Variants in COL7A1 observed in about 807,000 individuals in gnomAD.
COL7A1 encodes collagen alpha-1(VII) chain.
Under a neutral mutation model 456.2 loss-of-function variants are expected in COL7A1, and 296 were observed. The observed-to-expected ratio is 0.65, with a 90% CI of 0.59 to 0.71. The LOEUF is 0.71. COL7A1 is among the 30% of genes least tolerant of loss of function. COL7A1 has a pLI of 0.00. For missense variants in COL7A1, 3,441 were observed against 4,017.2 expected (o/e 0.86, Z 3.88); for synonymous variants, 1,464 against 1,525.9 (o/e 0.96, Z 0.95).
At position 48,593,408 on chromosome 3, in the gene COL7A1, C is replaced by T. The variant is rs973589872; in HGVS notation, c.468G>A (p.Val156=). The T allele has an allele frequency of 1.2e-6, 2 of 1,614,096 alleles. No individual in the cohort carries two copies. The highest frequency in any genetic ancestry group is 1.7e-6 in the Non-Finnish European group (2 of 1,180,032). Reference sequence around the variant, plus strand: ...CCTTCAGCCTTTGGGCAGCTGTGTCCACCAGGTCCTGGGACTTCCCGTCTG... The same window carrying T: ...CCTTCAGCCTTTGGGCAGCTGTGTCTACCAGGTCCTGGGACTTCCCGTCTG... The part of the protein sequence containing the change: ...LITDGKSQDL[V]DTAAQRLKGQ... The change falls in exon 5 of 119, where the codon GTG becomes GTA. Residue 156 remains valine, a synonymous_variant. Coordinates refer to ENST00000681320, the MANE Select transcript of COL7A1 (RefSeq NM_000094.4). This position sits in a 1 kb window ranked among gnomAD's most constrained non-coding sequence, Gnocchi z 4.4.
Position 48,573,147 on chromosome 3 carries a change from C to CT in COL7A1, c.6714+26dup, listed in dbSNP as rs756245079. On this transcript the variant is annotated intron_variant, in intron 85 of 118. Transcript: ENST00000681320. This position sits in a 1 kb window ranked among gnomAD's most constrained non-coding sequence, Gnocchi z 5.5. ...CCCAAGGAGTGAAAACACGGTGTCC[C>CT]TACAGGGGCCACAGGGACTCACTCA... 5 of 1,613,878 alleles carry CT rather than the reference C, an allele frequency of 3.1e-6. No individual in the cohort carries two copies. Among genetic ancestry groups the CT allele is most frequent in the African/African-American group, 1.3e-5 (1 of 74,910 alleles).
rs2043677456 is a variant in COL7A1, at chr3:48,567,838, C to T, written c.7929G>A (p.Lys2643=). The part of the protein sequence containing the change: ...ACGLDGEKGD[K]GEAGPPGRPG... ...CCCCCAGCCCCCATCCCCTCTGTAC[C>T]TTGTCTCCCTTCTCTCCATCAAGGC... Residue 2643 remains lysine (K), a splice_region_variant and synonymous_variant, in exon 107 of 119, where the codon AAG becomes AAA. Coordinates refer to ENST00000681320, the MANE Select transcript of COL7A1 (RefSeq NM_000094.4). The surrounding 1 kb of genome is among the most constrained non-coding windows in gnomAD (Gnocchi z 4.3). 1.9e-6 allele frequency: 3 copies of T among 1,614,066 alleles called. No individual in the cohort carries two copies. The highest frequency in any genetic ancestry group is 1.3e-5 in the African/African-American group (1 of 74,920).
Position 48,583,903 on chromosome 3 carries a change from C to A in COL7A1, c.4275G>T (p.Leu1425=). 6.2e-7 allele frequency: 1 copy of A among 1,613,910 alleles called. No homozygotes were observed. The change falls in exon 39 of 119, where the codon CTG becomes CTT. Residue 1425 remains leucine, a synonymous_variant. Coordinates refer to ENST00000681320, the MANE Select transcript of COL7A1 (RefSeq NM_000094.4). The surrounding 1 kb of genome is among the most constrained non-coding windows in gnomAD (Gnocchi z 5.1). ...GCAGAGCCTCAAGGCCCCTCACCGG[C>A]AGCCCAGGCTCCCCAGGAGCAATGC... is the stretch of plus-strand genomic sequence containing the variant. ...EGGIAPGEPG[L]PGLPGSPGPQ... is the part of the protein sequence containing the mutation.
rs776805869 is a variant in COL7A1, at chr3:48,592,363, G to T, written c.1081C>A (p.Arg361=). The T allele has an allele frequency of 3.7e-6, 6 of 1,613,488 alleles. No individual in the cohort carries two copies. The South Asian group carries it at 5.5e-5, about 15-fold the overall frequency. Residue 361 remains arginine, a synonymous_variant, in exon 9 of 119, where the codon CGG becomes AGG. Coordinates refer to ENST00000681320, the MANE Select transcript of COL7A1 (RefSeq NM_000094.4). The surrounding 1 kb of genome is among the most constrained non-coding windows in gnomAD (Gnocchi z 7.6). The part of the protein sequence containing the change: ...PGATGYRVTW[R]VLSGGPTQQQ... ...ATCTCTCACTCACCACTGAGGACCC[G>T]CCATGTCACACGGTAGCCAGTGGCA...
In COL7A1 at chr3:48,564,989, A is replaced by T; in HGVS notation, c.8621-9T>A. 6.2e-7 allele frequency: 1 copy of T among 1,614,048 alleles called. No individual in the cohort carries two copies. Among genetic ancestry groups the T allele is most frequent in the East Asian group, 2.2e-5 (1 of 44,860 alleles). On this transcript the variant is annotated splice_polypyrimidine_tract_variant and intron_variant, in intron 117 of 118. Coordinates refer to ENST00000681320, the MANE Select transcript of COL7A1 (RefSeq NM_000094.4). This position sits in a 1 kb window ranked among gnomAD's most constrained non-coding sequence, Gnocchi z 6.0. ...TGGCAGGGAACAGGGGTCTGGGCCA[A>T]TGGGGTCAAGTCAGCAGGGTTTGTG...
chr3:48,570,764 C>A lies in COL7A1; in HGVS notation c.7273-54G>T. On this transcript the variant is annotated intron_variant, in intron 95 of 118. Transcript: ENST00000681320. The surrounding 1 kb of genome is among the most constrained non-coding windows in gnomAD (Gnocchi z 5.5). ...GAGAGTGACTTGGGAACCCTCCTAC[C>A]CTCTGCCCCCTCAAGACTGGGAACC... The A allele has an allele frequency of 6.4e-7, 1 of 1,556,250 alleles. No individual in the cohort carries two copies. Among genetic ancestry groups the A allele is most frequent in the East Asian group, 2.4e-5 (1 of 41,610 alleles).
Position 48,565,124 on chromosome 3 carries a change from G to A in COL7A1, c.8605C>T (p.Pro2869Ser). Residue 2869 changes from proline to serine, a missense_variant, in exon 117 of 119, where the codon CCT (proline) becomes TCT (serine). Coordinates refer to ENST00000681320, the MANE Select transcript of COL7A1 (RefSeq NM_000094.4). This position sits in a 1 kb window ranked among gnomAD's most constrained non-coding sequence, Gnocchi z 4.5. Reference protein sequence around the residue: ...SVEEYQDPEAPWDSDDPCSLP... With the variant: ...SVEEYQDPEASWDSDDPCSLP... ...CCATTCTCACCATCACTATCCCAAG[G>A]AGCTTCAGGGTCCTGGTACTCCTCC... is the stretch of plus-strand genomic sequence containing the variant. 6.2e-7 allele frequency: 1 copy of A among 1,614,074 alleles called. No homozygotes were observed. Among genetic ancestry groups the A allele is most frequent in the Non-Finnish European group, 8.5e-7 (1 of 1,179,964 alleles).
In COL7A1 at chr3:48,588,025, C is replaced by G. The variant is rs757457052; in HGVS notation, c.2711-86G>C. The G allele has an allele frequency of 2.0e-6, 3 of 1,474,646 alleles. No homozygotes were observed. The highest frequency in any genetic ancestry group is 2.8e-6 in the Non-Finnish European group (3 of 1,088,794). The allele number at this position is 1,474,646 out of a possible 1,614,324, so 91.3% of individuals were successfully genotyped here. ...AAAGGGCCTGCCCACTTCACTGGCT[C>G]TGTTAACTGGGTTCACCCTCCTGAC... On this transcript the variant is annotated intron_variant, in intron 21 of 118. Coordinates refer to ENST00000681320, the MANE Select transcript of COL7A1 (RefSeq NM_000094.4). The surrounding 1 kb of genome is among the most constrained non-coding windows in gnomAD (Gnocchi z 4.6).
chr3:48,587,118 G>A lies in COL7A1; in HGVS notation c.3140-10C>T, dbSNP rs757192859. 1.2e-6 allele frequency: 2 copies of A among 1,613,138 alleles called. No individual in the cohort carries two copies. The highest frequency in any genetic ancestry group is 1.7e-6 in the Non-Finnish European group (2 of 1,179,800). The stretch of plus-strand genomic sequence containing the variant: ...AGGCCACGGGGGCACACTGTAGGAA[G>A]GGGAACAAGTTACTGAAGCGGGCAG... On this transcript the variant is annotated splice_polypyrimidine_tract_variant and intron_variant, in intron 24 of 118. Transcript: ENST00000681320. This position sits in a 1 kb window ranked among gnomAD's most constrained non-coding sequence, Gnocchi z 6.1.
chr3:48,586,468 C>T lies in COL7A1; in HGVS notation c.3414G>A (p.Val1138=), dbSNP rs181590433. The change falls in exon 27 of 119, where the codon GTG becomes GTA. Residue 1138 remains valine, a synonymous_variant. Transcript: ENST00000681320. This position sits in a 1 kb window ranked among gnomAD's most constrained non-coding sequence, Gnocchi z 5.1. The part of the protein sequence containing the change: ...DPSGNNLGTA[V]VTAHRYMLAP... ...CCAACATGTATCTGTGAGCTGTGAC[C>T]ACGGCTGTGCCTGGAAGGAAGGACA... 8 of 1,613,796 alleles carry T rather than the reference C, an allele frequency of 5.0e-6. No individual in the cohort carries two copies. In the Admixed American group the frequency reaches 6.7e-5, roughly 13 times the overall value.
In COL7A1 at chr3:48,583,984, C is replaced by G. The variant is rs779338314; in HGVS notation, c.4225-31G>C. Reference sequence around the variant, plus strand: ...AGAGAACAGCAGGTCAGGGAATGAACAGGGGAATCAGACTCCAAGCCACCC... The same window carrying G: ...AGAGAACAGCAGGTCAGGGAATGAAGAGGGGAATCAGACTCCAAGCCACCC... On this transcript the variant is annotated intron_variant, in intron 38 of 118. Coordinates refer to ENST00000681320, the MANE Select transcript of COL7A1 (RefSeq NM_000094.4). The surrounding 1 kb of genome is among the most constrained non-coding windows in gnomAD (Gnocchi z 5.1). 1.2e-6 allele frequency: 2 copies of G among 1,613,886 alleles called. No individual in the cohort carries two copies. Among genetic ancestry groups the G allele is most frequent in the South Asian group, 1.1e-5 (1 of 91,080 alleles).
chr3:48,579,434 A>G lies in COL7A1; in HGVS notation c.5272-30T>C, dbSNP rs2044566282. On this transcript the variant is annotated intron_variant, in intron 60 of 118. Coordinates refer to ENST00000681320, the MANE Select transcript of COL7A1 (RefSeq NM_000094.4). This position sits in a 1 kb window ranked among gnomAD's most constrained non-coding sequence, Gnocchi z 4.4. ...AGGGAACAGGGTCAGATAAGAGGTG[A>G]GGGTAAGATGGGGACTTGGCAGACG... 1 of 1,614,128 alleles carries G rather than the reference A, an allele frequency of 6.2e-7. No individual in the cohort carries two copies. The highest frequency in any genetic ancestry group is 1.1e-5 in the South Asian group (1 of 91,082).
chr3:48,589,033 A>G (rs1183652092), intron 18 of COL7A1, 38 bp from the exon 19 acceptor site: 1 of 1,612,622 alleles, frequency 6.2e-7, no homozygotes, highest in Non-Finnish European at 8.5e-7. Context: ...CTGGTAGAGA[A>G]CAGAGAGGCA....
rs150086840 is a variant in COL7A1, at chr3:48,580,183, T to C, written c.5097+117A>G. 7.9e-4 allele frequency: 1,218 copies of C among 1,533,410 alleles called. 37 individuals are homozygous for C. In the East Asian group the frequency reaches 0.028, roughly 36 times the overall value. The allele number at this position is 1,533,410 out of a possible 1,614,324, so 95.0% of individuals were successfully genotyped here. On this transcript the variant is annotated intron_variant, in intron 56 of 118. Coordinates refer to ENST00000681320, the MANE Select transcript of COL7A1 (RefSeq NM_000094.4). The surrounding 1 kb of genome is among the most constrained non-coding windows in gnomAD (Gnocchi z 4.5). ...CCCCAATGCCAGCCCCCAGCAGGCA[T>C]GGGTGGCCATCCATGCTTCCCACCT...
In COL7A1 at chr3:48,575,348, T is replaced by C. The variant is rs763064296; in HGVS notation, c.6171A>G (p.Pro2057=). 1.5e-6 allele frequency: 2 copies of C among 1,368,532 alleles called. No homozygotes were observed. Among genetic ancestry groups the C allele is most frequent in the Non-Finnish European group, 2.0e-6 (2 of 1,025,472 alleles). 84.8% of individuals were successfully genotyped at this position (1,368,532 alleles called of 1,614,324 possible). A position where few individuals can be genotyped will look rare whatever the true frequency, so the allele number is the denominator to read the frequency against. Residue 2057 remains proline (P), a synonymous_variant, in exon 74 of 119, where the codon CCA becomes CCG. Transcript: ENST00000681320. The surrounding 1 kb of genome is among the most constrained non-coding windows in gnomAD (Gnocchi z 6.3). The part of the protein sequence containing the change: ...RAGGVGEAGR[P]GERGERGEKG... ...CAGCCCCCAGCCTCACCCTCTCTCC[T>C]GGCCTTCCTGCCTCTCCCACACCCC...
In COL7A1 at chr3:48,575,886, A is replaced by G; in HGVS notation, c.5837T>C (p.Leu1946Pro). Reference sequence around the variant, plus strand: ...ACCCACCTTGATGCCAGCAGTTTCCAGCAACCGATCCACATTCTGGGGACA... The same window carrying G: ...ACCCACCTTGATGCCAGCAGTTTCCGGCAACCGATCCACATTCTGGGGACA... The part of the protein sequence containing the change: ...PGSVPNVDRL[L>P]ETAGIKASAL... The change falls in exon 72 of 119, where the codon CTG becomes CCG. Residue 1946 changes from leucine to proline, a missense_variant. Around this residue, in one of 3 missense-constraint regions of COL7A1, gnomAD observed 2,084 missense variants for 2,501.3 expected, o/e 0.83. Transcript: ENST00000681320. This position sits in a 1 kb window ranked among gnomAD's most constrained non-coding sequence, Gnocchi z 6.3. The G allele has an allele frequency of 6.2e-7, 1 of 1,614,076 alleles. No individual in the cohort carries two copies. The highest frequency in any genetic ancestry group is 2.2e-5 in the East Asian group (1 of 44,868).
rs764049130 is a variant in COL7A1, at chr3:48,589,724, G to C, written c.2051-6C>G. On this transcript the variant is annotated splice_polypyrimidine_tract_variant and splice_region_variant and intron_variant, in intron 16 of 118. Transcript: ENST00000681320. ...CCTCACTGGGCCCAGTGGGTCTAGT[G>C]GGGAGAGGCAATGGGGAGTCTGCTG... The C allele has an allele frequency of 6.2e-7, 1 of 1,614,068 alleles. No homozygotes were observed. The highest frequency in any genetic ancestry group is 8.5e-7 in the Non-Finnish European group (1 of 1,180,026).
In COL7A1 at chr3:48,585,591, C is replaced by A. The variant is rs2045185232; in HGVS notation, c.3860G>T (p.Gly1287Val). 6.2e-7 allele frequency: 1 copy of A among 1,613,956 alleles called. No individual in the cohort carries two copies. Among genetic ancestry groups the A allele is most frequent in the East Asian group, 2.2e-5 (1 of 44,874 alleles). The change falls in exon 32 of 119, where the codon GGG becomes GTG. Residue 1287 changes from glycine to valine, a missense_variant. By Grantham distance (109) the Gly-to-Val change is moderately radical. Around this residue, in one of 3 missense-constraint regions of COL7A1, gnomAD observed 2,084 missense variants for 2,501.3 expected, o/e 0.83. Transcript: ENST00000681320. This position sits in a 1 kb window ranked among gnomAD's most constrained non-coding sequence, Gnocchi z 4.5. ...PGRTGAPGPQ[G>V]PPGSATAKGE... ...CTTGGCAGTGGCACTTCCAGGGGGC[C>A]CCTGGGGGCCGGGAGCACCGGTCCT... is the stretch of plus-strand genomic sequence containing the variant.
rs2045199597 is a variant in COL7A1 at position 48,585,736 on chromosome 3, T to C, written c.3787-2A>G. The C allele has an allele frequency of 6.2e-7, 1 of 1,613,978 alleles. No individual in the cohort carries two copies. Among genetic ancestry groups the C allele is most frequent in the Non-Finnish European group, 8.5e-7 (1 of 1,179,992 alleles). ...AGGCCCAACTTGTCCTCTCAGGCCC[T>C]AGGAAGGGTAATCAGTGAGACCTGT... On this transcript the variant is annotated splice_acceptor_variant, in intron 30 of 118. Transcript: ENST00000681320. LOFTEE classifies it high-confidence loss of function. This position sits in a 1 kb window ranked among gnomAD's most constrained non-coding sequence, Gnocchi z 4.5.
Sources: allele counts gnomAD v4.1 joint callset, GRCh38; gene constraint gnomAD v4.1.1; regional missense constraint gnomAD v4.1.1; non-coding constraint Gnocchi (gnomAD v3.1); transcripts MANE v1.5; gene names NCBI Gene and HGNC (gene_info 2026-07-23, HGNC 2026-07-21).